MRPL48: variants seen among roughly 807,000 people sequenced by gnomAD.
The protein encoded by MRPL48 is mitochondrial ribosomal protein L48.
A neutral mutation model predicts 32.9 loss-of-function variants in MRPL48; 16 were observed. The observed-to-expected ratio is 0.49, with a 90% CI of 0.33 to 0.74. The LOEUF (loss-of-function observed/expected upper bound fraction) is 0.74. Ranked by LOEUF, MRPL48 falls within the 30% of genes least tolerant of loss-of-function variation. The probability of loss-of-function intolerance (pLI) is 0.02; values close to 1 mark genes in which losing one functional copy is unlikely to be tolerated. For missense variants in MRPL48, 206 were observed against 245.3 expected, an observed-to-expected ratio of 0.84 and a Z score of 1.07; for synonymous variants, 94 against 89.2, an observed-to-expected ratio of 1.05 and a Z score of -0.31.
chr11:73,828,460 A>T (rs138228090), intron 4 of MRPL48, among the ~76,000 whole-genome samples: 18 of 152,206 alleles, frequency 1.2e-4, no homozygotes, highest in African/African-American at 3.1e-4. Flanking sequence ...TCCTGAGCTC[A>T]AGTGATACAC....
intron 3 of MRPL48, among the ~76,000 whole-genome samples, chr11:73,824,338 C>T (rs1156959204): frequency 6.6e-6 from 1 of 152,066 alleles, no homozygotes; most frequent in South Asian, 2.1e-4. Flanking sequence ...GCCTGCAATG[C>T]CAGTACTTTG....
chr11:73,859,793 C>T, intron 5 of MRPL48, 114 bp from the exon 6 acceptor site: 1 of 798,632 alleles, frequency 1.3e-6, no homozygotes, highest in South Asian at 1.9e-5. Context: ...ATAAGCATCC[C>T]CTACATTCCG....
At chr11:73,820,256 G>T (rs751383595) in intron 3 of MRPL48, among the ~76,000 whole-genome samples, 4 of 152,068 alleles carry the variant, frequency 2.6e-5, no homozygotes, top group Non-Finnish European at 5.9e-5. Context: ...ACAGAGTCTC[G>T]CTCTGTTGCC....
Position 73,805,108 on chromosome 11 carries a change from A to G in MRPL48, c.74+29A>G, listed in dbSNP as rs936600958. The G allele has an allele frequency of 4.6e-6, 7 of 1,528,616 alleles. No individual in the cohort carries two copies. In the African/African-American group the frequency reaches 9.7e-5, roughly 21 times the overall value. The allele number at this position is 1,528,616 out of a possible 1,614,324, so 94.7% of individuals were successfully genotyped here. Reference sequence around the variant, plus strand: ...AGAATATTAAAAACAATAATTAAATATAGGTAACATTTGCCTTTGGCTTCA... The same window carrying G: ...AGAATATTAAAAACAATAATTAAATGTAGGTAACATTTGCCTTTGGCTTCA... On this transcript the variant is annotated intron_variant, in intron 2 of 7. Transcript: ENST00000310614.
intron 1 of MRPL48, among the ~76,000 whole-genome samples, chr11:73,804,645 C>T (rs1258038432): frequency 6.6e-6 from 1 of 152,154 alleles, no homozygotes; most frequent in Non-Finnish European, 1.5e-5. Flanking sequence ...AGTTGCTTTA[C>T]TTACGAAATT....
At chr11:73,860,210 A>G (rs1948561931) in intron 6 of MRPL48, 1 of 493,112 alleles carries the variant, frequency 2.0e-6, no homozygotes, top group Non-Finnish European at 3.7e-6. Context: ...CTCAGTGATC[A>G]TCATTTAATA....
At chr11:73,821,056 A>G (rs80147186) in intron 3 of MRPL48, among the ~76,000 whole-genome samples, 5 of 152,108 alleles carry the variant, frequency 3.3e-5, no homozygotes, top group Non-Finnish European at 7.3e-5. Flanking sequence ...GTACAGCATC[A>G]TGATAATAGT....
intron 3 of MRPL48, among the ~76,000 whole-genome samples, chr11:73,816,406 A>G (rs934188639): frequency 6.0e-5 from 8 of 133,410 alleles, no homozygotes; most frequent in African/African-American, 2.2e-4. Context: ...CTGTATATGT[A>G]TTTGATGCCA....
At chr11:73,821,148 T>G (rs1475148772) in intron 3 of MRPL48, among the ~76,000 whole-genome samples, 1 of 152,130 alleles carries the variant, frequency 6.6e-6, no homozygotes, top group Non-Finnish European at 1.5e-5. Flanking sequence ...CATGCCACCA[T>G]GCCCAGCTAA....
At chr11:73,813,449 C>G (rs1310066601) in intron 3 of MRPL48, among the ~76,000 whole-genome samples, 1 of 152,156 alleles carries the variant, frequency 6.6e-6, no homozygotes, top group Non-Finnish European at 1.5e-5. Context: ...GCTGGGATTA[C>G]AGGCGTGAGC....
chr11:73,827,276 C>G (rs538798066), intron 4 of MRPL48, among the ~76,000 whole-genome samples: 4 of 151,896 alleles, frequency 2.6e-5, no homozygotes, highest in African/African-American at 9.7e-5. Flanking sequence ...CCCAACTACT[C>G]GGAAGCCTGA....
chr11:73,863,029 C>T, intron 6 of MRPL48, 143 bp from the exon 7 acceptor site: 2 of 714,918 alleles, frequency 2.8e-6, no homozygotes, highest in East Asian at 2.7e-5. Context: ...GAGGCCAGCT[C>T]AGAAACCAGT....
rs760766949 is a variant in MRPL48, at chr11:73,829,910, G to GTAGCTAGGAC, written c.201+4116_201+4117insGCTAGGACTA. Among the ~76,000 whole-genome samples, 281 of 152,142 alleles carry GTAGCTAGGAC rather than the reference G, an allele frequency of 1.8e-3. 1 individual carries two copies. Among genetic ancestry groups the GTAGCTAGGAC allele is most frequent in the Non-Finnish European group, 3.4e-3 (228 of 68,000 alleles). On this transcript the variant is annotated intron_variant, in intron 4 of 7. Transcript: ENST00000310614. ...CTCCTGAGTAGCTAGGATTACAGGA[G>GTAGCTAGGAC]TATACCACTACACCCGGCTCATTAT...
intron 4 of MRPL48, among the ~76,000 whole-genome samples, chr11:73,833,898 C>G (rs1007084874): frequency 6.6e-6 from 1 of 152,124 alleles, no homozygotes; most frequent in African/African-American, 2.4e-5. Context: ...ACTCTGTCAT[C>G]TAGGCTGGAG....
chr11:73,850,537 T>G (rs1042079824), intron 5 of MRPL48: 1 of 390,178 alleles, frequency 2.6e-6, no homozygotes, highest in Non-Finnish European at 5.0e-6. Flanking sequence ...CTTTTACTAT[T>G]TCTTCAACAT....
rs911658138 is a variant in MRPL48, at chr11:73,787,908, T to A, written c.-64T>A. ...GTTCCTTCAGTGTTTTCAGACGCCCTGGGAACGCGGCTGCAGGGTCCGGTC... is the reference window on the plus strand; with the variant it reads ...GTTCCTTCAGTGTTTTCAGACGCCCAGGGAACGCGGCTGCAGGGTCCGGTC... On this transcript the variant is annotated 5_prime_UTR_variant, in exon 1 of 8. Coordinates refer to ENST00000310614, the MANE Select transcript of MRPL48 (RefSeq NM_016055.6). 1.3e-6 allele frequency: 2 copies of A among 1,593,148 alleles called. No homozygotes were observed.
chr11:73,796,109 G>A (rs1270032806), intron 1 of MRPL48, among the ~76,000 whole-genome samples: 1 of 152,264 alleles, frequency 6.6e-6, no homozygotes, highest in Non-Finnish European at 1.5e-5. Context: ...CCAGGGACAA[G>A]TGGGAGCCCT....
intron 3 of MRPL48, among the ~76,000 whole-genome samples, chr11:73,810,446 G>A (rs1472985174): frequency 6.6e-6 from 1 of 152,122 alleles, no homozygotes; most frequent in Admixed American, 6.6e-5. Flanking sequence ...GCTTGAACTT[G>A]GGAGGCGGAG....
chr11:73,863,103 A>G, intron 6 of MRPL48, 69 bp from the exon 7 acceptor site: 2 of 1,363,444 alleles, frequency 1.5e-6, no homozygotes, highest in Non-Finnish European at 2.0e-6. Flanking sequence ...TTGAACCCAT[A>G]CCATGTCTGC....
Sources: allele counts gnomAD v4.1 joint callset (sites outside exome capture counted in the v4.1 genomes callset), GRCh38; gene constraint gnomAD v4.1.1; transcripts MANE v1.5; gene names NCBI Gene and HGNC (gene_info 2026-07-23, HGNC 2026-07-21).